ZNF69: variants seen among roughly 807,000 people sequenced by gnomAD.
ZNF69 encodes zinc finger protein 69.
Under a neutral mutation model 50.9 loss-of-function variants are expected in ZNF69, and 47 were observed. The observed-to-expected ratio is 0.92, with a 90% CI of 0.73 to 1.18. The LOEUF (loss-of-function observed/expected upper bound fraction) is 1.18. Ranked by LOEUF, ZNF69 falls within the 50% of genes most tolerant of loss-of-function variation. ZNF69 has a pLI of 0.00. For missense variants in ZNF69, 717 were observed against 675.1 expected, an observed-to-expected ratio of 1.06 and a Z score of -0.69; for synonymous variants, 216 against 223.1, an observed-to-expected ratio of 0.97 and a Z score of 0.29.
At chr19:11,888,010 G>C in intron 1 of ZNF69, 24 bp downstream of exon 1, 1 of 1,607,836 alleles carries the variant, frequency 6.2e-7, no homozygotes, top group African/African-American at 1.3e-5. Context: ...GCCGGGTGTC[G>C]TGAGACGGGG....
At chr19:11,946,901 G>T in the ZNF69 span, 1 of 424,332 alleles carries the variant, frequency 2.4e-6, no homozygotes, top group Non-Finnish European at 3.8e-6. Context: ...TCGGGAGGCT[G>T]AGGCAGGAGA....
the ZNF69 span, among the ~76,000 whole-genome samples, chr19:11,974,622 G>T: frequency 7.3e-6 from 1 of 136,748 alleles, no homozygotes; most frequent in Non-Finnish European, 1.6e-5. Flanking sequence ...CGGGGGGGTG[G>T]GGTGTAATCT....
the ZNF69 span, among the ~76,000 whole-genome samples, chr19:11,958,958 C>G: frequency 2.6e-5 from 4 of 152,320 alleles, no homozygotes; most frequent in Non-Finnish European, 4.4e-5. Flanking sequence ...TCTCGGCTCA[C>G]TGCAACCTCT....
At chr19:11,892,707 G>T (rs1361202084) in intron 1 of ZNF69, among the ~76,000 whole-genome samples, 1 of 152,154 alleles carries the variant, frequency 6.6e-6, no homozygotes, top group East Asian at 1.9e-4. Context: ...AAGAAAGAAG[G>T]CGAATCTGTA....
downstream of ZNF69, among the ~76,000 whole-genome samples, chr19:11,907,679 A>T (rs1297385828): frequency 6.6e-6 from 1 of 152,200 alleles, no homozygotes; most frequent in African/African-American, 2.4e-5. Flanking sequence ...GAAGCACTAA[A>T]CATGGAAAGG....
At chr19:11,930,074 G>C in the ZNF69 span, among the ~76,000 whole-genome samples, 78 of 148,180 alleles carry the variant, frequency 5.3e-4, 3 homozygotes, top group East Asian at 0.013. Context: ...TCTGTGCCTA[G>C]GGGAGTGGGG....
chr19:11,965,254 G>A, the ZNF69 span: 9 of 1,613,132 alleles, frequency 5.6e-6, no homozygotes, highest in Admixed American at 1.7e-5. Context: ...GGTAGAGGCT[G>A]CCTGGAACCG....
At chr19:11,971,054 C>T in the ZNF69 span, among the ~76,000 whole-genome samples, 1 of 152,174 alleles carries the variant, frequency 6.6e-6, no homozygotes, top group Admixed American at 6.6e-5. Flanking sequence ...GAGTTCAAAG[C>T]TGCAGTGTAT....
chr19:11,971,321 A>T, the ZNF69 span, among the ~76,000 whole-genome samples: 2 of 152,300 alleles, frequency 1.3e-5, no homozygotes, highest in African/African-American at 4.8e-5. Flanking sequence ...CACTAATCTC[A>T]TTCGGAAAGC....
downstream of ZNF69, among the ~76,000 whole-genome samples, chr19:11,917,448 C>G (rs980310294): frequency 2.0e-5 from 3 of 152,150 alleles, no homozygotes; most frequent in African/African-American, 7.2e-5. Flanking sequence ...AGGAGTGGGC[C>G]AGCCTGGCCT....
intron 1 of ZNF69, among the ~76,000 whole-genome samples, chr19:11,901,911 GTAT>G (rs1177057473): frequency 6.7e-6 from 1 of 149,780 alleles, no homozygotes; most frequent in Non-Finnish European, 1.5e-5. Flanking sequence ...GAATTCTATT[GTAT>G]TTTGCTTTTT....
chr19:11,919,947 G>A, the ZNF69 span, among the ~76,000 whole-genome samples: 427 of 152,128 alleles, frequency 2.8e-3, no homozygotes, highest in Non-Finnish European at 4.5e-3. Flanking sequence ...ATATACTATC[G>A]TATATGATAT....
the ZNF69 span, among the ~76,000 whole-genome samples, chr19:11,951,987 C>G: frequency 5.9e-5 from 9 of 152,092 alleles, no homozygotes; most frequent in African/African-American, 1.9e-4. Context: ...CCAGCCTGAC[C>G]AATATGATGA....
the ZNF69 span, among the ~76,000 whole-genome samples, chr19:11,967,826 G>C: frequency 1.3e-5 from 2 of 152,236 alleles, no homozygotes; most frequent in African/African-American, 4.8e-5. Flanking sequence ...TAGGGGTCTT[G>C]TCTATGTAAA....
the ZNF69 span, among the ~76,000 whole-genome samples, chr19:11,951,980 G>A: frequency 6.6e-6 from 1 of 152,206 alleles, no homozygotes; most frequent in Non-Finnish European, 1.5e-5. Context: ...TTTGAGACCA[G>A]CCTGACCAAT....
At chr19:11,950,034 C>T in the ZNF69 span, 1 of 1,614,072 alleles carries the variant, frequency 6.2e-7, no homozygotes, top group Non-Finnish European at 8.5e-7. Flanking sequence ...AAAGGAAGCA[C>T]AGAGGAGAGA....
At chr19:11,889,270 G>A (rs1019704204) in intron 1 of ZNF69, among the ~76,000 whole-genome samples, 5 of 152,160 alleles carry the variant, frequency 3.3e-5, no homozygotes, top group South Asian at 2.1e-4. Flanking sequence ...GCCACAAGGA[G>A]TCTGTTTTTC....
chr19:11,979,685 G>T, the ZNF69 span: 1 of 1,576,798 alleles, frequency 6.3e-7, no homozygotes, highest in African/African-American at 1.4e-5. Context: ...AATGCATGCT[G>T]GGACTCACCC....
chr19:11,910,130 C>T (rs1391050581), downstream of ZNF69, among the ~76,000 whole-genome samples: 2 of 152,098 alleles, frequency 1.3e-5, no homozygotes, highest in African/African-American at 4.8e-5. Context: ...TGAAGGACCT[C>T]TTCAAAGAGA....
Sources: allele counts gnomAD v4.1 joint callset (sites outside exome capture counted in the v4.1 genomes callset), GRCh38; gene constraint gnomAD v4.1.1; transcripts MANE v1.5; gene names NCBI Gene and HGNC (gene_info 2026-07-23, HGNC 2026-07-21).